The following SVIL variants were observed in gnomAD, a reference collection of about 807,000 sequenced individuals.
SVIL encodes archvillin.
A neutral mutation model predicts 240.4 loss-of-function variants in SVIL; 101 were observed. The observed-to-expected ratio is 0.42, with a 90% CI of 0.36 to 0.50. The LOEUF (loss-of-function observed/expected upper bound fraction) is 0.50, where lower values mean the gene tolerates loss of function less well. SVIL is among the 20% of genes least tolerant of loss of function. The probability of loss-of-function intolerance (pLI) is 0.01; values close to 1 mark genes in which losing one functional copy is unlikely to be tolerated. For missense variants in SVIL, 2,512 were observed against 2,818.7 expected (o/e 0.89, Z 2.46); for synonymous variants, 999 against 1,100.0 (o/e 0.91, Z 1.82).
intron 16 of SVIL, among the ~76,000 whole-genome samples, chr10:29,516,564 A>G (rs1950215661): frequency 6.6e-6 from 1 of 152,196 alleles, no homozygotes. Context: ...GTCTGGGCCT[A>G]CGCAGGACAT....
At chr10:29,537,391 G>A (rs539450337) in intron 6 of SVIL, among the ~76,000 whole-genome samples, 11 of 152,250 alleles carry the variant, frequency 7.2e-5, no homozygotes, top group Admixed American at 6.5e-4. Context: ...CTCAACACAC[G>A]ACTGAGTATG....
At chr10:29,663,773 C>T (rs1959184718) in intron 2 of SVIL, among the ~76,000 whole-genome samples, 1 of 152,224 alleles carries the variant, frequency 6.6e-6, no homozygotes, top group Admixed American at 6.5e-5. Flanking sequence ...GAGCCCCATG[C>T]TCAACAAAGA....
intron 1 of SVIL, among the ~76,000 whole-genome samples, chr10:29,606,177 G>A (rs114279964): frequency 0.027 from 4,143 of 152,154 alleles, 181 homozygotes; most frequent in African/African-American, 0.089. Context: ...CCTAAGTGCT[G>A]GGATTACAGG....
intron 1 of SVIL, among the ~76,000 whole-genome samples, chr10:29,691,928 A>G (rs2132616198): frequency 6.6e-6 from 1 of 152,320 alleles, no homozygotes; most frequent in East Asian, 1.9e-4. Context: ...TGAGCTGCTC[A>G]GCTCTGGTCC....
Position 29,665,916 on chromosome 10 carries a change from C to T in SVIL, c.-300-7848G>A, listed in dbSNP as rs1959247264. 1.3e-5 allele frequency among the ~76,000 whole-genome samples: 2 copies of T among 152,206 alleles called. 1 individual carries two copies. Among genetic ancestry groups the T allele is most frequent in the South Asian group, 4.1e-4 (2 of 4,830 alleles). On this transcript the variant is annotated intron_variant, in intron 2 of 35. Coordinates refer to the SVIL transcript ENST00000375400. ...CTTCATACTCTCTGCCTATCAACCC[C>T]CATAACGGGGGAAAAAAGGGGATGG...
chr10:29,634,293 C>G (rs983717025), intron 1 of SVIL, 127 bp downstream of exon 1: 2 of 151,808 alleles, frequency 1.3e-5, no homozygotes, highest in Non-Finnish European at 2.9e-5. Flanking sequence ...CAGGAATTTT[C>G]CAATGACTGA....
intron 2 of SVIL, among the ~76,000 whole-genome samples, chr10:29,680,873 C>G (rs957523263): frequency 2.0e-5 from 3 of 151,914 alleles, no homozygotes; most frequent in Non-Finnish European, 4.4e-5. Flanking sequence ...GAGCTGAGAT[C>G]ATACCACTGC....
At position 29,468,634 on chromosome 10, in the gene SVIL, ATACATATATATATACATG is replaced by A. The variant is rs1038438126; in HGVS notation, c.5844-777_5844-760del. The stretch of plus-strand genomic sequence containing the variant: ...ATACTAATAGTAGGTGTATATATAT[ATACATATATATATACATG>A]TACATATATATATGGGGTACAGCCA... On this transcript the variant is annotated intron_variant, in intron 32 of 37. Coordinates refer to ENST00000355867, the MANE Select transcript of SVIL (RefSeq NM_021738.3). 3.4e-5 allele frequency among the ~76,000 whole-genome samples: 5 copies of A among 147,750 alleles called. No individual in the cohort carries two copies. In the East Asian group the frequency reaches 5.8e-4, roughly 17 times the overall value.
At chr10:29,717,672 T>C (rs1435771374) in intron 1 of SVIL, among the ~76,000 whole-genome samples, 1 of 152,246 alleles carries the variant, frequency 6.6e-6, no homozygotes, top group Non-Finnish European at 1.5e-5. Flanking sequence ...TTGAAACTGA[T>C]ATTTTTTGTT....
At chr10:29,648,017 A>G (rs75319383) in intron 3 of SVIL, among the ~76,000 whole-genome samples, 10 of 151,802 alleles carry the variant, frequency 6.6e-5, no homozygotes, top group African/African-American at 1.2e-4. Flanking sequence ...AAAAAAAAAA[A>G]AGAGAGAATG....
At position 29,464,755 on chromosome 10, in the gene SVIL, G is replaced by A. The variant is rs374060041; in HGVS notation, c.6133+840C>T. 8.6e-5 allele frequency among the ~76,000 whole-genome samples: 13 copies of A among 151,618 alleles called. No homozygotes were observed. In the East Asian group the frequency reaches 2.0e-3, roughly 23 times the overall value. On this transcript the variant is annotated intron_variant, in intron 34 of 37. Coordinates refer to ENST00000355867, the MANE Select transcript of SVIL (RefSeq NM_021738.3). Reference sequence around the variant, plus strand: ...CTGGGCAAACTTTCAGTGCTGCCCTGAGATCCCGGTGCAAGATGAGGTCCC... The same window carrying A: ...CTGGGCAAACTTTCAGTGCTGCCCTAAGATCCCGGTGCAAGATGAGGTCCC...
In SVIL at chr10:29,490,912, T is replaced by C. The variant is rs770027273; in HGVS notation, c.4127A>G (p.Gln1376Arg). The C allele has an allele frequency of 2.5e-6, 4 of 1,614,018 alleles. No individual in the cohort carries two copies. The highest frequency in any genetic ancestry group is 1.3e-5 in the African/African-American group (1 of 75,058). ...GTTTAATCTCTGCTCAGTGTATTCCTGAAGGAGATCTTCTCTTGCCGCCAG... is the reference window on the plus strand; with the variant it reads ...GTTTAATCTCTGCTCAGTGTATTCCCGAAGGAGATCTTCTCTTGCCGCCAG... Reference protein sequence around the residue: ...KMLAAREDLLQEYTEQRLNVA... With the variant: ...KMLAAREDLLREYTEQRLNVA... The change falls in exon 22 of 38, where the codon CAG becomes CGG. Residue 1376 changes from glutamine to arginine, a missense_variant. By Grantham distance (43) the Gln-to-Arg change is conservative. Around this residue, in one of 3 missense-constraint regions of SVIL, gnomAD observed 272 missense variants for 406.8 expected, o/e 0.67. Transcript: ENST00000355867.
Position 29,523,991 on chromosome 10 carries a change from C to T in SVIL, c.2623G>A (p.Val875Met), listed in dbSNP as rs371981407. ...GCTACGGTAGACACTGATGTGTTCACGGCAGGTGAGAAAGGAATGAGCTTT... is the reference window on the plus strand; with the variant it reads ...GCTACGGTAGACACTGATGTGTTCATGGCAGGTGAGAAAGGAATGAGCTTT... ...SGKLIPFSPA[V>M]NTSVSTVAST... Residue 875 changes from valine (V) to methionine (M), a missense_variant, in exon 15 of 38, where the codon GTG becomes ATG. Transcript: ENST00000355867. The T allele has an allele frequency of 1.7e-5, 28 of 1,613,676 alleles. No individual in the cohort carries two copies. Among genetic ancestry groups the T allele is most frequent in the East Asian group, 2.2e-5 (1 of 44,878 alleles).
At chr10:29,615,128 G>T (rs1216720734) in intron 1 of SVIL, among the ~76,000 whole-genome samples, 47 of 152,062 alleles carry the variant, frequency 3.1e-4, no homozygotes, top group Admixed American at 3.1e-3. Context: ...CAGACTTGAG[G>T]TTAGCAAAGC....
intron 1 of SVIL, among the ~76,000 whole-genome samples, chr10:29,634,193 TA>T (rs60844786): frequency 0.046 from 6,434 of 139,374 alleles, 437 homozygotes; most frequent in African/African-American, 0.15. Flanking sequence ...GTAAATCCTT[TA>T]AAAAAAAAAA....
At chr10:29,578,103 G>A (rs1265037797) in intron 1 of SVIL, among the ~76,000 whole-genome samples, 1 of 152,138 alleles carries the variant, frequency 6.6e-6, no homozygotes, top group African/African-American at 2.4e-5. Flanking sequence ...AACCAGGGTT[G>A]AAACTCCATT....
intron 2 of SVIL, among the ~76,000 whole-genome samples, chr10:29,661,707 A>T (rs1486493225): frequency 6.6e-6 from 1 of 152,214 alleles, no homozygotes; most frequent in Admixed American, 6.5e-5. Flanking sequence ...GCATCCTTTT[A>T]GGTTAATGTT....
chr10:29,674,027 A>T (rs975310765), intron 2 of SVIL, among the ~76,000 whole-genome samples: 8 of 152,154 alleles, frequency 5.3e-5, no homozygotes, highest in African/African-American at 1.7e-4. Context: ...AATTTAGCAT[A>T]AATTTTTTTT....
chr10:29,734,923 C>A (rs79903417), intron 1 of SVIL, among the ~76,000 whole-genome samples: 2 of 152,162 alleles, frequency 1.3e-5, no homozygotes, highest in Non-Finnish European at 2.9e-5. Flanking sequence ...CCCAGCTGGC[C>A]TCTCCCCTTG....
Sources: allele counts gnomAD v4.1 joint callset (sites outside exome capture counted in the v4.1 genomes callset), GRCh38; gene constraint gnomAD v4.1.1; regional missense constraint gnomAD v4.1.1; transcripts MANE v1.5; gene names NCBI Gene and HGNC (gene_info 2026-07-23, HGNC 2026-07-21).